The following CSRNP3 variants were observed in gnomAD, a reference collection of about 807,000 sequenced individuals.
CSRNP3 encodes cysteine/serine-rich nuclear protein 3.
Under a neutral mutation model 48.0 loss-of-function variants are expected in CSRNP3, and 12 were observed. That is an observed-to-expected ratio of 0.25 (90% CI 0.16 to 0.41). The LOEUF is 0.41. Ranked by LOEUF, CSRNP3 falls within the 10% of genes least tolerant of loss-of-function variation. CSRNP3 has a pLI of 1.00. For missense variants in CSRNP3, 580 were observed against 724.4 expected (o/e 0.80, Z 2.29); for synonymous variants, 263 against 269.7 (o/e 0.98, Z 0.24).
chr2:165,674,991 G>T (rs1287795089), intron 5 of CSRNP3, among the ~76,000 whole-genome samples: 1 of 151,900 alleles, frequency 6.6e-6, no homozygotes, highest in Admixed American at 6.6e-5. Flanking sequence ...GGGATTACAG[G>T]CACGAGCCAC....
At chr2:165,677,886 C>A (rs950831255) in intron 6 of CSRNP3, among the ~76,000 whole-genome samples, 1 of 152,196 alleles carries the variant, frequency 6.6e-6, no homozygotes, top group African/African-American at 2.4e-5. Flanking sequence ...AACCCAAACA[C>A]TCTATCTTCG....
At chr2:165,626,393 G>T (rs1018721523) in intron 4 of CSRNP3, among the ~76,000 whole-genome samples, 1 of 152,106 alleles carries the variant, frequency 6.6e-6, no homozygotes, top group Non-Finnish European at 1.5e-5. Flanking sequence ...AAATACAAAG[G>T]TCCAAAGGCT....
chr2:165,564,459 C>G (rs933173351), intron 3 of CSRNP3, among the ~76,000 whole-genome samples: 3 of 151,700 alleles, frequency 2.0e-5, no homozygotes, highest in Non-Finnish European at 4.4e-5. Flanking sequence ...TTAGAATGAC[C>G]TATTTTGTAA....
intron 1 of CSRNP3, among the ~76,000 whole-genome samples, chr2:165,472,679 G>T (rs1460024792): frequency 6.6e-6 from 1 of 151,718 alleles, no homozygotes; most frequent in East Asian, 1.9e-4. Flanking sequence ...TATTATTTTT[G>T]TTATAATTCA....
intron 2 of CSRNP3, among the ~76,000 whole-genome samples, chr2:165,515,504 G>A (rs1455593422): frequency 1.1e-4 from 16 of 151,568 alleles, no homozygotes; most frequent in East Asian, 9.7e-4. Context: ...TCAAAAACAC[G>A]TAATTTTTTT....
chr2:165,599,273 AAGAG>A (rs746283268), intron 4 of CSRNP3, among the ~76,000 whole-genome samples: 3,059 of 68,938 alleles, frequency 0.044, 53 homozygotes, highest in Middle Eastern at 0.099. Context: ...AAAAGAAAGA[AAGAG>A]AGAGAGAGAA....
chr2:165,569,777 G>A (rs1685343743), intron 3 of CSRNP3, among the ~76,000 whole-genome samples: 1 of 151,758 alleles, frequency 6.6e-6, no homozygotes, highest in Admixed American at 6.6e-5. Context: ...TGATTCCAGA[G>A]TTTTGATTAG....
rs1234559557 is a variant in CSRNP3 at position 165,681,527 on chromosome 2, G to A, written c.*1774G>A. 2.0e-5 allele frequency: 3 copies of A among 151,492 alleles called. No individual in the cohort carries two copies. Among genetic ancestry groups the A allele is most frequent in the Non-Finnish European group, 4.4e-5 (3 of 67,888 alleles). The allele number at this position is 151,492 out of a possible 1,614,324, so 9.4% of individuals were successfully genotyped here. On this transcript the variant is annotated 3_prime_UTR_variant, in exon 7 of 7. Coordinates refer to ENST00000651982, the MANE Select transcript of CSRNP3 (RefSeq NM_001172173.2). The stretch of plus-strand genomic sequence containing the variant: ...TTGGGGAAAAAATGTTTACTTGGCA[G>A]CTCTTCCACTGTGCAGTTGGTTTCT...
intron 3 of CSRNP3, among the ~76,000 whole-genome samples, chr2:165,562,876 G>GT (rs1414702894): frequency 1.3e-5 from 2 of 152,128 alleles, no homozygotes; most frequent in Non-Finnish European, 2.9e-5. Context: ...AAAGGGACAA[G>GT]TTTTTTCACT....
In CSRNP3 at chr2:165,569,213, T is replaced by C. The variant is rs573745357; in HGVS notation, c.-23-25830T>C. 1.6e-4 allele frequency among the ~76,000 whole-genome samples: 25 copies of C among 152,208 alleles called. 1 individual carries two copies. In the South Asian group the frequency reaches 5.2e-3, roughly 32 times the overall value. On this transcript the variant is annotated intron_variant, in intron 3 of 6. Transcript: ENST00000651982. ...CAATTTATTGACTTCTCTGAATGTG[T>C]TGTGAAGGAGAAGAAAATATAGCAA...
chr2:165,667,085 AAGAG>A (rs59873387), intron 5 of CSRNP3, among the ~76,000 whole-genome samples: 6 of 55,930 alleles, frequency 1.1e-4, no homozygotes, highest in Non-Finnish European at 1.7e-4. Flanking sequence ...GAGAGAAAGA[AAGAG>A]AGAGAGAGAA....
rs148529373 is a variant in CSRNP3, at chr2:165,517,378, G to T, written c.-112-495G>T. Among the ~76,000 whole-genome samples, 46 of 148,150 alleles carry T rather than the reference G, an allele frequency of 3.1e-4. No homozygotes were observed. In the East Asian group the frequency reaches 8.7e-3, roughly 28 times the overall value. On this transcript the variant is annotated intron_variant, in intron 2 of 6. Coordinates refer to ENST00000651982, the MANE Select transcript of CSRNP3 (RefSeq NM_001172173.2). ...AAATCATGAATATATAAATATTTGAGTTAATTTTATAATTAAATAGTTTCC... is the reference window on the plus strand; with the variant it reads ...AAATCATGAATATATAAATATTTGATTTAATTTTATAATTAAATAGTTTCC...
chr2:165,552,475 A>G (rs1297578852), intron 3 of CSRNP3, among the ~76,000 whole-genome samples: 1 of 152,194 alleles, frequency 6.6e-6, no homozygotes, highest in Admixed American at 6.5e-5. Flanking sequence ...CAATAGGATA[A>G]TAAAAGTTAA....
intron 5 of CSRNP3, among the ~76,000 whole-genome samples, chr2:165,660,187 A>G (rs567013244): frequency 1.3e-5 from 2 of 152,202 alleles, no homozygotes; most frequent in Non-Finnish European, 2.9e-5. Context: ...TCGTTCTCCA[A>G]ATTCAAGTAT....
At chr2:165,677,992 G>A (rs1460068526) in intron 6 of CSRNP3, among the ~76,000 whole-genome samples, 3 of 151,978 alleles carry the variant, frequency 2.0e-5, no homozygotes, top group Non-Finnish European at 2.9e-5. Context: ...GGGAAGGGGG[G>A]ACTCAGGACC....
At chr2:165,502,759 GTCTC>G (rs60183337) in intron 2 of CSRNP3, among the ~76,000 whole-genome samples, 5 of 149,034 alleles carry the variant, frequency 3.4e-5, no homozygotes, top group African/African-American at 4.9e-5. Flanking sequence ...CTCTTCCCCT[GTCTC>G]TCTCTCTCTC....
At chr2:165,668,611 A>C (rs967205003) in intron 5 of CSRNP3, among the ~76,000 whole-genome samples, 1 of 152,008 alleles carries the variant, frequency 6.6e-6, no homozygotes, top group African/African-American at 2.4e-5. Context: ...CATGTTGGCC[A>C]GTCTGGTCTT....
At chr2:165,532,118 T>G (rs1427777575) in intron 3 of CSRNP3, among the ~76,000 whole-genome samples, 1 of 152,162 alleles carries the variant, frequency 6.6e-6, no homozygotes, top group Non-Finnish European at 1.5e-5. Context: ...ACAGCCGAAT[T>G]CTACCAGAGG....
chr2:165,526,321 C>T (rs535657507), intron 3 of CSRNP3, among the ~76,000 whole-genome samples: 113 of 152,124 alleles, frequency 7.4e-4, no homozygotes, highest in Middle Eastern at 3.4e-3. Flanking sequence ...TCTCTGAATT[C>T]TATTTCCAAA....
Sources: allele counts gnomAD v4.1 joint callset (sites outside exome capture counted in the v4.1 genomes callset), GRCh38; gene constraint gnomAD v4.1.1; transcripts MANE v1.5; gene names NCBI Gene and HGNC (gene_info 2026-07-23, HGNC 2026-07-21).